Variants in RYR3 observed in about 807,000 individuals in gnomAD.
RYR3 encodes brain ryanodine receptor-calcium release channel.
RYR3 carries 207 observed loss-of-function variants against 584.3 expected under a neutral mutation model. The ratio of observed to expected loss-of-function variants is 0.35; its 90% confidence interval spans 0.32 to 0.40. The LOEUF (loss-of-function observed/expected upper bound fraction) is 0.40, where lower values mean the gene tolerates loss of function less well. Among genes scored for constraint, RYR3 ranks in the 10% least tolerant of loss-of-function variants. The pLI is 1.00. For synonymous variants in RYR3, 2,416 were observed against 2,248.5 expected (o/e 1.07, Z -2.11); for missense variants, 5,616 against 6,089.2 (o/e 0.92, Z 2.59).
At chr15:33,700,408 T>G (rs1273531289) in intron 41 of RYR3, among the ~76,000 whole-genome samples, 1 of 152,254 alleles carries the variant, frequency 6.6e-6, no homozygotes, top group African/African-American at 2.4e-5. Context: ...ACGAAATGAA[T>G]GTGTGTAATA....
chr15:33,605,393 G>C (rs1191265916), intron 18 of RYR3, among the ~76,000 whole-genome samples: 1 of 152,222 alleles, frequency 6.6e-6, no homozygotes, highest in Non-Finnish European at 1.5e-5. Flanking sequence ...AGGCAAGGAA[G>C]CTGGGTGCTC....
intron 1 of RYR3, among the ~76,000 whole-genome samples, chr15:33,418,093 T>A (rs2043953852): frequency 6.6e-6 from 1 of 152,210 alleles, no homozygotes; most frequent in African/African-American, 2.4e-5. Context: ...TAATGATTTT[T>A]GTGTCTACAT....
At chr15:33,521,678 T>C (rs971404119) in intron 3 of RYR3, among the ~76,000 whole-genome samples, 1 of 152,162 alleles carries the variant, frequency 6.6e-6, no homozygotes, top group African/African-American at 2.4e-5. Context: ...AAGGCAGTAC[T>C]GTGGGTGTCG....
intron 28 of RYR3, among the ~76,000 whole-genome samples, chr15:33,645,268 G>T (rs114620989): frequency 6.5e-4 from 99 of 152,240 alleles, no homozygotes; most frequent in African/African-American, 2.3e-3. Flanking sequence ...CATGGACTAA[G>T]ACTTGCCTCT....
chr15:33,825,716 T>C (rs751901963), intron 82 of RYR3, 40 bp downstream of exon 82: 1 of 1,046,398 alleles, frequency 9.6e-7, no homozygotes, highest in Non-Finnish European at 1.4e-6. Flanking sequence ...CTCTTCCTGA[T>C]TAAAATCTTT....
In RYR3 at chr15:33,635,484, A is replaced by T. The variant is rs893084442; in HGVS notation, c.3176-130A>T. 4.4e-6 allele frequency: 3 copies of T among 678,244 alleles called. No homozygotes were observed. The South Asian group carries it at 5.3e-5, about 12-fold the overall frequency. 42.0% of individuals were successfully genotyped at this position (678,244 alleles called of 1,614,324 possible). On this transcript the variant is annotated intron_variant, in intron 25 of 103. Transcript: ENST00000634891. The stretch of plus-strand genomic sequence containing the variant: ...CATCATGAACAGAATGCCATATTGG[A>T]TAGTAGTCGACCTATGGTCAGTCTT...
intron 1 of RYR3, among the ~76,000 whole-genome samples, chr15:33,394,175 A>G (rs573059664): frequency 6.6e-6 from 1 of 152,338 alleles, no homozygotes; most frequent in African/African-American, 2.4e-5. Flanking sequence ...GGAAAGTAAG[A>G]TATTCAACAC....
chr15:33,716,146 C>G (rs1156597745), intron 43 of RYR3, among the ~76,000 whole-genome samples: 1 of 152,160 alleles, frequency 6.6e-6, no homozygotes, highest in Non-Finnish European at 1.5e-5. Flanking sequence ...AAAAGTTTCC[C>G]AAGGCCTCAC....
At chr15:33,630,998 T>C (rs1275574957) in intron 22 of RYR3, among the ~76,000 whole-genome samples, 2 of 152,196 alleles carry the variant, frequency 1.3e-5, no homozygotes, top group Non-Finnish European at 2.9e-5. Context: ...TATGGCTGGC[T>C]TTGCTCTGTA....
At chr15:33,707,586 C>A (rs2066807430) in intron 43 of RYR3, among the ~76,000 whole-genome samples, 1 of 152,144 alleles carries the variant, frequency 6.6e-6, no homozygotes, top group African/African-American at 2.4e-5. Flanking sequence ...AACCAGAATT[C>A]TTTAGTTGCT....
chr15:33,642,448 CT>C (rs1212766999), intron 27 of RYR3, among the ~76,000 whole-genome samples: 1 of 152,194 alleles, frequency 6.6e-6, no homozygotes, highest in African/African-American at 2.4e-5. Context: ...AAAATACTGT[CT>C]TGAGATTAGG....
At chr15:33,635,374 G>GA in intron 25 of RYR3, among the ~76,000 whole-genome samples, 1 of 152,306 alleles carries the variant, frequency 6.6e-6, no homozygotes, top group Non-Finnish European at 1.5e-5. Flanking sequence ...TATTGTGAGG[G>GA]AAAACTGAGA....
In RYR3 at chr15:33,562,941, C is replaced by T. The variant is rs750345758; in HGVS notation, c.1077C>T (p.Ala359=). ...GDSVCFVQHI[A]SGLWVTYKAQ... ...CTGTCTGCTTTGTGCAGCATATAGC[C>T]AGTGGTCTGTGGGTGACCTACAAAG... Residue 359 remains alanine (A), a synonymous_variant, in exon 11 of 104, where the codon GCC becomes GCT. Coordinates refer to ENST00000634891, the MANE Select transcript of RYR3 (RefSeq NM_001036.6). The T allele has an allele frequency of 3.7e-6, 6 of 1,613,730 alleles. No homozygotes were observed. The South Asian group carries it at 6.6e-5, about 18-fold the overall frequency.
chr15:33,447,019 A>G (rs1158776567), intron 1 of RYR3, among the ~76,000 whole-genome samples: 5 of 152,236 alleles, frequency 3.3e-5, no homozygotes, highest in Non-Finnish European at 5.9e-5. Context: ...ACCCTGCACC[A>G]CAGTTCTTTA....
At position 33,409,014 on chromosome 15, in the gene RYR3, A is replaced by C. The variant is rs555144796; in HGVS notation, c.52-64405A>C. Among the ~76,000 whole-genome samples the C allele has an allele frequency of 2.5e-3, 379 of 152,238 alleles. 2 individuals are homozygous for C. Among genetic ancestry groups the C allele is most frequent in the African/African-American group, 8.7e-3 (362 of 41,550 alleles). On this transcript the variant is annotated intron_variant, in intron 1 of 103. Transcript: ENST00000634891. ...TATGTGTATTCAGATGAGGAAAAAA[A>C]CCCTCCAAATCCTAAATACCGCTTT...
chr15:33,776,657 C>A (rs191125328), intron 64 of RYR3, among the ~76,000 whole-genome samples: 38 of 152,328 alleles, frequency 2.5e-4, no homozygotes, highest in African/African-American at 8.7e-4. Flanking sequence ...ACTGTGCTTT[C>A]TGCTTCTCTG....
In RYR3 at chr15:33,865,119, ATAT is replaced by A. The variant is rs767732416; in HGVS notation, c.14518-7_14518-5del. On this transcript the variant is annotated splice_polypyrimidine_tract_variant and intron_variant, in intron 103 of 103. Coordinates refer to ENST00000634891, the MANE Select transcript of RYR3 (RefSeq NM_001036.6). Reference sequence around the variant, plus strand: ...GTTTAAAAATAAGCACCCGTTGTTCATATTATTTCAGGAATCTTATGTCTGGAA... The same window carrying A: ...GTTTAAAAATAAGCACCCGTTGTTCATATTTCAGGAATCTTATGTCTGGAA... 1 of 1,601,750 alleles carries A rather than the reference ATAT, an allele frequency of 6.2e-7. No individual in the cohort carries two copies. The highest frequency in any genetic ancestry group is 8.5e-7 in the Non-Finnish European group (1 of 1,170,062).
At chr15:33,523,420 C>T (rs964885203) in intron 3 of RYR3, among the ~76,000 whole-genome samples, 2 of 152,096 alleles carry the variant, frequency 1.3e-5, no homozygotes, top group Non-Finnish European at 2.9e-5. Context: ...GCGAGACCAC[C>T]AACCCACCGG....
chr15:33,629,136 A>G (rs2061147103), intron 21 of RYR3, among the ~76,000 whole-genome samples: 1 of 152,244 alleles, frequency 6.6e-6, no homozygotes, highest in African/African-American at 2.4e-5. Flanking sequence ...GTATTTATAT[A>G]GCTACCATAA....
Sources: allele counts gnomAD v4.1 joint callset (sites outside exome capture counted in the v4.1 genomes callset), GRCh38; gene constraint gnomAD v4.1.1; transcripts MANE v1.5; gene names NCBI Gene and HGNC (gene_info 2026-07-23, HGNC 2026-07-21).